TMTC2: variants seen among roughly 807,000 people sequenced by gnomAD.
TMTC2 encodes the protein protein O-mannosyl-transferase TMTC2.
Under a neutral mutation model 82.4 loss-of-function variants are expected in TMTC2, and 43 were observed. The ratio of observed to expected loss-of-function variants is 0.52; its 90% confidence interval spans 0.41 to 0.67. The LOEUF (loss-of-function observed/expected upper bound fraction) is 0.67. TMTC2 is among the 30% of genes least tolerant of loss of function. The pLI is 0.00. For synonymous variants in TMTC2, 408 were observed against 381.9 expected (o/e 1.07, Z -0.80); for missense variants, 919 against 1,012.4 (o/e 0.91, Z 1.25).
At chr12:83,005,500 A>T (rs1880159988) in intron 8 of TMTC2, among the ~76,000 whole-genome samples, 1 of 151,936 alleles carries the variant, frequency 6.6e-6, no homozygotes, top group African/African-American at 2.4e-5. Flanking sequence ...TGCTGCAATC[A>T]CTGGTGCCGT....
chr12:83,079,120 A>G (rs1182010660), intron 11 of TMTC2, among the ~76,000 whole-genome samples: 1 of 152,150 alleles, frequency 6.6e-6, no homozygotes, highest in Admixed American at 6.5e-5. Context: ...AACAAGTTCT[A>G]GGATGGATAC....
chr12:82,913,000 T>C (rs547399110), intron 3 of TMTC2, among the ~76,000 whole-genome samples: 2 of 151,630 alleles, frequency 1.3e-5, no homozygotes, highest in Non-Finnish European at 2.9e-5. Context: ...TTACAATAAT[T>C]TTAAGTTAGA....
intron 8 of TMTC2, among the ~76,000 whole-genome samples, chr12:82,998,695 C>G (rs1487203976): frequency 6.6e-6 from 1 of 151,924 alleles, no homozygotes; most frequent in Non-Finnish European, 1.5e-5. Context: ...GAGATTTTTC[C>G]TTTAACTGGG....
At chr12:83,082,928 A>G (rs189894274) in intron 11 of TMTC2, among the ~76,000 whole-genome samples, 12 of 152,322 alleles carry the variant, frequency 7.9e-5, no homozygotes, top group African/African-American at 2.9e-4. Context: ...CTGGTAGGCA[A>G]TACCGCTTAG....
chr12:83,090,054 C>T (rs1239676168), intron 11 of TMTC2, among the ~76,000 whole-genome samples: 1 of 152,092 alleles, frequency 6.6e-6, no homozygotes. Context: ...TATTTTCACA[C>T]CAAATCCTTA....
At chr12:82,733,313 G>A (rs1039188450) in intron 1 of TMTC2, among the ~76,000 whole-genome samples, 2 of 152,160 alleles carry the variant, frequency 1.3e-5, no homozygotes, top group Admixed American at 1.3e-4. Context: ...TCAGCAACAT[G>A]CGTTGAGTAC....
chr12:82,736,908 C>T (rs1308216822), intron 1 of TMTC2, among the ~76,000 whole-genome samples: 1 of 152,094 alleles, frequency 6.6e-6, no homozygotes, highest in Non-Finnish European at 1.5e-5. Flanking sequence ...TAAACTTAAT[C>T]CTTTTCTTCT....
At chr12:82,794,260 T>G (rs1487674659) in intron 1 of TMTC2, among the ~76,000 whole-genome samples, 1 of 152,108 alleles carries the variant, frequency 6.6e-6, no homozygotes, top group Non-Finnish European at 1.5e-5. Flanking sequence ...TCCTTTGTCC[T>G]TCCTCTTTTT....
intron 1 of TMTC2, among the ~76,000 whole-genome samples, chr12:82,747,158 A>G (rs1465144798): frequency 2.0e-5 from 3 of 152,216 alleles, no homozygotes; most frequent in Admixed American, 6.5e-5. Flanking sequence ...TTATACAACA[A>G]TGGCAAACTA....
intron 1 of TMTC2, among the ~76,000 whole-genome samples, chr12:82,713,975 C>T (rs1342841876): frequency 6.6e-6 from 1 of 152,222 alleles, no homozygotes; most frequent in East Asian, 1.9e-4. Flanking sequence ...AAGCATTTCA[C>T]ATGGACTGTC....
intron 1 of TMTC2, among the ~76,000 whole-genome samples, chr12:82,775,936 T>A (rs1210078402): frequency 6.6e-6 from 1 of 152,086 alleles, no homozygotes; most frequent in Non-Finnish European, 1.5e-5. Flanking sequence ...TTTTCATTTT[T>A]TGAGAGGATC....
Position 82,930,562 on chromosome 12 carries a change from T to G in TMTC2, c.1598+17T>G. 6.5e-7 allele frequency: 1 copy of G among 1,532,918 alleles called. No individual in the cohort carries two copies. Among genetic ancestry groups the G allele is most frequent in the Non-Finnish European group, 8.9e-7 (1 of 1,117,724 alleles). 95.0% of individuals were successfully genotyped at this position (1,532,918 alleles called of 1,614,324 possible). On this transcript the variant is annotated intron_variant, in intron 4 of 11. Coordinates refer to ENST00000321196, the MANE Select transcript of TMTC2 (RefSeq NM_152588.3). ...TTATAATTTGTGAGTATGCCTTGCTTCTCTGGTTTGGTTCGTCTTTGAAAC... is the reference window on the plus strand; with the variant it reads ...TTATAATTTGTGAGTATGCCTTGCTGCTCTGGTTTGGTTCGTCTTTGAAAC...
intron 8 of TMTC2, among the ~76,000 whole-genome samples, chr12:83,024,942 A>G (rs1386511919): frequency 2.0e-5 from 3 of 152,216 alleles, no homozygotes; most frequent in Non-Finnish European, 4.4e-5. Flanking sequence ...TTGTAATCCC[A>G]CCACTTTGGG....
intron 1 of TMTC2, among the ~76,000 whole-genome samples, chr12:82,707,718 C>T (rs982898596): frequency 5.3e-5 from 8 of 152,298 alleles, no homozygotes; most frequent in Non-Finnish European, 7.4e-5. Context: ...GTCTGTGTGA[C>T]ACTATATGGA....
chr12:82,818,615 G>A (rs888921476), intron 1 of TMTC2, among the ~76,000 whole-genome samples: 7 of 152,148 alleles, frequency 4.6e-5, no homozygotes, highest in African/African-American at 1.7e-4. Context: ...TGGACATGAT[G>A]AAGACTCTCT....
At chr12:82,781,399 C>CT (rs71068954) in intron 1 of TMTC2, among the ~76,000 whole-genome samples, 66,699 of 120,128 alleles carry the variant, frequency 0.56, 18,929 homozygotes, top group African/African-American at 0.61. Flanking sequence ...GGAGTTTGCT[C>CT]TTTTTTTTTT....
chr12:82,978,193 A>G (rs1878765387), intron 7 of TMTC2, among the ~76,000 whole-genome samples: 1 of 151,782 alleles, frequency 6.6e-6, no homozygotes, highest in African/African-American at 2.4e-5. Context: ...AATCTTGAAT[A>G]GATCAACTAA....
chr12:82,929,526 A>C (rs1294800921), intron 3 of TMTC2, among the ~76,000 whole-genome samples: 1 of 152,138 alleles, frequency 6.6e-6, no homozygotes, highest in Non-Finnish European at 1.5e-5. Context: ...CTTTTTTTGC[A>C]TTAAAATTGA....
intron 4 of TMTC2, among the ~76,000 whole-genome samples, chr12:82,953,462 A>G (rs374965634): frequency 5.3e-4 from 80 of 152,248 alleles, no homozygotes; most frequent in African/African-American, 1.7e-3. Flanking sequence ...ACTCATATCT[A>G]TTTTATCAAA....
Sources: gnomAD v4.1 joint callset for allele counts (sites outside exome capture counted in the v4.1 genomes callset) on GRCh38, gnomAD v4.1.1 for gene constraint, MANE v1.5 for transcripts, NCBI Gene and HGNC (gene_info 2026-07-23, HGNC 2026-07-21) for gene names.